The following KCNN2 variants were observed in gnomAD, a reference collection of about 807,000 sequenced individuals.
KCNN2 encodes the protein potassium calcium-activated channel subfamily N member 2.
A neutral mutation model predicts 55.5 loss-of-function variants in KCNN2; 24 were observed. The observed-to-expected ratio is 0.43, with a 90% CI of 0.31 to 0.61. The LOEUF is 0.61. Ranked by LOEUF, KCNN2 falls within the 20% of genes least tolerant of loss-of-function variation. KCNN2 has a pLI of 0.08. For missense variants in KCNN2, 754 were observed against 853.6 expected (o/e 0.88, Z 1.45); for synonymous variants, 431 against 336.1 (o/e 1.28, Z -3.09).
intron 1 of KCNN2, among the ~76,000 whole-genome samples, chr5:114,122,855 T>C (rs1477917400): frequency 6.6e-6 from 1 of 152,246 alleles, no homozygotes; most frequent in Non-Finnish European, 1.5e-5. Context: ...TGGGAAGTTC[T>C]TGTTTATCTA....
intron 5 of KCNN2, among the ~76,000 whole-genome samples, chr5:114,475,115 A>C (rs775156009): frequency 6.6e-6 from 1 of 152,272 alleles, no homozygotes; most frequent in Non-Finnish European, 1.5e-5. Flanking sequence ...TTGAGTACAA[A>C]ATTTACAGTA....
chr5:114,170,454 A>C (rs1033617772), intron 1 of KCNN2, among the ~76,000 whole-genome samples: 2 of 152,008 alleles, frequency 1.3e-5, no homozygotes, highest in African/African-American at 4.8e-5. Context: ...GGTGGGGAAC[A>C]CTGCACATCA....
chr5:114,225,239 C>T (rs968503607), intron 2 of KCNN2, among the ~76,000 whole-genome samples: 6 of 152,082 alleles, frequency 3.9e-5, no homozygotes, highest in African/African-American at 1.4e-4. Flanking sequence ...ATTTAAAGAT[C>T]TAATTAATTC....
At chr5:114,145,980 C>T (rs968682564) in intron 1 of KCNN2, among the ~76,000 whole-genome samples, 1 of 152,022 alleles carries the variant, frequency 6.6e-6, no homozygotes, top group African/African-American at 2.4e-5. Context: ...GCAAATTTCT[C>T]TGTCTCGTTG....
intron 3 of KCNN2, among the ~76,000 whole-genome samples, chr5:114,426,017 C>T (rs1337925049): frequency 1.1e-4 from 16 of 140,038 alleles, no homozygotes; most frequent in Admixed American, 5.7e-4. Flanking sequence ...CCATCTCTAC[C>T]AAAAAAAAAA....
intron 1 of KCNN2, among the ~76,000 whole-genome samples, chr5:114,139,450 C>A (rs1020785023): frequency 7.8e-6 from 1 of 128,442 alleles, no homozygotes; most frequent in Admixed American, 8.3e-5. Context: ...AACACACACT[C>A]ACACAACCAC....
At chr5:114,105,691 A>G (rs568491508) in intron 1 of KCNN2, among the ~76,000 whole-genome samples, 2 of 152,088 alleles carry the variant, frequency 1.3e-5, no homozygotes, top group South Asian at 4.1e-4. Context: ...GGATTATCAT[A>G]TTTGCTTTCT....
intron 1 of KCNN2, among the ~76,000 whole-genome samples, chr5:114,067,252 C>T (rs1045138735): frequency 2.6e-5 from 4 of 152,172 alleles, no homozygotes; most frequent in Admixed American, 1.3e-4. Flanking sequence ...ATGCTTTGAG[C>T]TTCCCTTTTG....
At chr5:114,069,240 CACTT>C (rs1332729371) in intron 1 of KCNN2, among the ~76,000 whole-genome samples, 2 of 152,200 alleles carry the variant, frequency 1.3e-5, no homozygotes, top group Admixed American at 6.5e-5. Flanking sequence ...TTTGCCAGCT[CACTT>C]ACTTACTCCT....
Position 114,160,776 on chromosome 5 carries a change from TTTGA to T in KCNN2, c.-270-60702_-270-60699del, listed in dbSNP as rs1270769838. ...TTATGTAATGGCCTTCTTTGTCTCTTTTGATCTTTGTTGGTTTAAAGTCTGTTTT... is the reference window on the plus strand; with the variant it reads ...TTATGTAATGGCCTTCTTTGTCTCTTTCTTTGTTGGTTTAAAGTCTGTTTT... On this transcript the variant is annotated intron_variant, in intron 1 of 10. Transcript: ENST00000512097. Among the ~76,000 whole-genome samples, 1,143 of 152,310 alleles carry T rather than the reference TTTGA, an allele frequency of 7.5e-3. 14 individuals carry two copies. The highest frequency in any genetic ancestry group is 0.026 in the African/African-American group (1,077 of 41,538).
chr5:114,249,030 C>T (rs1754805521), intron 2 of KCNN2, among the ~76,000 whole-genome samples: 1 of 152,024 alleles, frequency 6.6e-6, no homozygotes, highest in Admixed American at 6.6e-5. Context: ...CCATATTGTC[C>T]CTTTCAGATT....
At chr5:114,100,109 A>G (rs1490355902) in intron 1 of KCNN2, among the ~76,000 whole-genome samples, 1 of 152,052 alleles carries the variant, frequency 6.6e-6, no homozygotes, top group Non-Finnish European at 1.5e-5. Context: ...GTAGAAAGGA[A>G]TGAGACCTGA....
chr5:114,447,945 T>C (rs913132823), intron 3 of KCNN2, among the ~76,000 whole-genome samples: 37 of 152,334 alleles, frequency 2.4e-4, no homozygotes, highest in African/African-American at 8.4e-4. Flanking sequence ...TTTTCACCTT[T>C]TTTTCTGGAT....
chr5:114,127,702 C>T (rs1017740714), intron 1 of KCNN2, among the ~76,000 whole-genome samples: 9 of 152,142 alleles, frequency 5.9e-5, no homozygotes, highest in African/African-American at 1.9e-4. Context: ...GAATTTCTCC[C>T]CAGAAAATGG....
intron 3 of KCNN2, among the ~76,000 whole-genome samples, chr5:114,452,006 A>T (rs909198920): frequency 6.6e-6 from 1 of 151,994 alleles, no homozygotes; most frequent in African/African-American, 2.4e-5. Flanking sequence ...TTGTTTACTT[A>T]CTAATATTAA....
chr5:114,153,297 A>G (rs115184022), intron 1 of KCNN2, among the ~76,000 whole-genome samples: 4,431 of 152,164 alleles, frequency 0.029, 78 homozygotes, highest in Non-Finnish European at 0.042. Flanking sequence ...CTTCTCGCCC[A>G]CCTCCACTTT....
chr5:114,145,230 A>C (rs1403858052), intron 1 of KCNN2, among the ~76,000 whole-genome samples: 2 of 152,234 alleles, frequency 1.3e-5, no homozygotes, highest in Non-Finnish European at 2.9e-5. Context: ...AAATGTTGAC[A>C]ATCTGTGACC....
chr5:114,446,123 A>G (rs1760397675), intron 3 of KCNN2, among the ~76,000 whole-genome samples: 1 of 152,200 alleles, frequency 6.6e-6, no homozygotes, highest in South Asian at 2.1e-4. Flanking sequence ...GTCTGAGTAA[A>G]CTAATATACA....
At chr5:114,337,365 G>A (rs1479141648) in intron 2 of KCNN2, among the ~76,000 whole-genome samples, 3 of 152,202 alleles carry the variant, frequency 2.0e-5, no homozygotes, top group Admixed American at 1.3e-4. Flanking sequence ...AGACATTCAA[G>A]TGGTGATACC....
Sources: allele counts gnomAD v4.1 joint callset (sites outside exome capture counted in the v4.1 genomes callset), GRCh38; gene constraint gnomAD v4.1.1; transcripts MANE v1.5; gene names NCBI Gene and HGNC (gene_info 2026-07-23, HGNC 2026-07-21).